Variants in FNBP4 observed in about 807,000 individuals in gnomAD.
FNBP4 encodes formin binding protein 4, also known as formin-binding protein 4.
Under a neutral mutation model 119.3 loss-of-function variants are expected in FNBP4, and 34 were observed. The ratio of observed to expected loss-of-function variants is 0.28; its 90% CI spans 0.22 to 0.38. The LOEUF (loss-of-function observed/expected upper bound fraction) is 0.38, where lower values mean the gene tolerates loss of function less well. Ranked by LOEUF, FNBP4 falls within the 10% of genes least tolerant of loss-of-function variation. The pLI, the probability that FNBP4 is intolerant of heterozygous loss-of-function variation, is 1.00. For synonymous variants in FNBP4, 462 were observed against 430.6 expected (o/e 1.07, Z -0.90); for missense variants, 1,112 against 1,228.9 (o/e 0.90, Z 1.42).
Position 47,754,518 on chromosome 11 carries a change from C to A in FNBP4, c.450+10G>T. 6.2e-7 allele frequency: 1 copy of A among 1,610,144 alleles called. No homozygotes were observed. Among genetic ancestry groups the A allele is most frequent in the Non-Finnish European group, 8.5e-7 (1 of 1,178,726 alleles). On this transcript the variant is annotated intron_variant, in intron 3 of 16. Coordinates refer to ENST00000263773, the MANE Select transcript of FNBP4 (RefSeq NM_015308.5). ...CAGTAACTAAAACTCCAAACGAAAG[C>A]ACCACTAACCGCTAGGAAGTTGGCC...
intron 13 of FNBP4, 108 bp downstream of exon 13, chr11:47,724,360 C>A: frequency 6.4e-7 from 1 of 1,572,300 alleles, no homozygotes. Context: ...AGGATATAGG[C>A]GTGAGCCACC....
In FNBP4 at chr11:47,717,392, T is replaced by C. The variant is rs1427813479; in HGVS notation, c.*30A>G. The C allele has an allele frequency of 4.1e-6, 6 of 1,458,252 alleles. No individual in the cohort carries two copies. The Admixed American group carries it at 1.0e-4, about 25-fold the overall frequency. The allele number at this position is 1,458,252 out of a possible 1,614,324, so 90.3% of individuals were successfully genotyped here. ...TTTGAACTGAACACAAAACAAACAA[T>C]AATACAAAAAAGTTTTAAAAACTTA... On this transcript the variant is annotated 3_prime_UTR_variant, in exon 17 of 17. Transcript: ENST00000263773.
At position 47,717,490 on chromosome 11, in the gene FNBP4, T is replaced by G. The variant is rs2097551129; in HGVS notation, c.2986A>C (p.Asn996His). Reference protein sequence around the residue: ...LVSGMAERNANFEALPEDWRA... With the variant: ...LVSGMAERNAHFEALPEDWRA... The stretch of plus-strand genomic sequence containing the variant: ...CAATCCTCAGGAAGGGCTTCAAAAT[T>G]AGCATTTCTCTCTGCCATGCCACTG... The change falls in exon 17 of 17, where the codon AAT becomes CAT. Residue 996 changes from asparagine (N) to histidine (H), a missense_variant. Physicochemically the swap from Asn to His is moderately conservative, Grantham distance 68 (BLOSUM62 1). Around this residue, in one of 2 missense-constraint regions of FNBP4, gnomAD observed 826 missense variants for 988.8 expected, o/e 0.84. Transcript: ENST00000263773. 6.2e-7 allele frequency: 1 copy of G among 1,613,004 alleles called. No homozygotes were observed. The highest frequency in any genetic ancestry group is 1.3e-5 in the African/African-American group (1 of 74,946).
intron 7 of FNBP4, 115 bp from the exon 8 acceptor site, chr11:47,744,278 CTTTT>C: frequency 2.6e-6 from 2 of 783,492 alleles, no homozygotes; most frequent in Non-Finnish European, 3.8e-6. Context: ...ACAGAAAGCA[CTTTT>C]TTTTTTTTGG....
chr11:47,767,086 T>G lies in FNBP4; in HGVS notation c.203A>C (p.Asp68Ala). 6.5e-7 allele frequency: 1 copy of G among 1,531,320 alleles called. No individual in the cohort carries two copies. The highest frequency in any genetic ancestry group is 8.7e-7 in the Non-Finnish European group (1 of 1,145,380). The allele number at this position is 1,531,320 out of a possible 1,614,324, so 94.9% of individuals were successfully genotyped here. A position where few individuals can be genotyped will look rare whatever the true frequency, so the allele number is the denominator to read the frequency against. ...TTAVTAAAAS[D>A]DSPSEDEQEA... ...ACCCTTGCCTTCTGAAGGCGAGTCGTCCGAGGCCGCGGCGGCAGTCACCGC... is the reference window on the plus strand; with the variant it reads ...ACCCTTGCCTTCTGAAGGCGAGTCGGCCGAGGCCGCGGCGGCAGTCACCGC... The change falls in exon 1 of 17, where the codon GAC (aspartate) becomes GCC (alanine). Residue 68 changes from aspartate to alanine, a missense_variant. Physicochemically the swap from Asp to Ala is moderately radical, Grantham distance 126 (BLOSUM62 -2). Coordinates refer to ENST00000263773, the MANE Select transcript of FNBP4 (RefSeq NM_015308.5).
chr11:47,727,011 G>A (rs1232995315), intron 12 of FNBP4: 1 of 152,206 alleles, frequency 6.6e-6, no homozygotes, highest in East Asian at 1.9e-4. Context: ...AAATATTGGT[G>A]GATGTCTCCT....
At position 47,724,098 on chromosome 11, in the gene FNBP4, A is replaced by C; in HGVS notation, c.2394T>G (p.Thr798=). The C allele has an allele frequency of 8.1e-6, 13 of 1,614,220 alleles. No homozygotes were observed. Among genetic ancestry groups the C allele is most frequent in the Non-Finnish European group, 1.1e-5 (13 of 1,180,004 alleles). The change falls in exon 14 of 17, where the codon ACT becomes ACG. Residue 798 remains threonine, a synonymous_variant. Transcript: ENST00000263773. ...GIKRKATEIS[T]AVVQRSATIG... is the part of the protein sequence containing the mutation. ...TGGTAGCTGACCTCTGAACCACTGC[A>C]GTGCTAATTTCTGTAGCTTTCCTCT...
In FNBP4 at chr11:47,743,589, G is replaced by A. The variant is rs12284831; in HGVS notation, c.1456+364C>T. Among the ~76,000 whole-genome samples, 355 of 152,248 alleles carry A rather than the reference G, an allele frequency of 2.3e-3. 5 individuals are homozygous for A. The highest frequency in any genetic ancestry group is 8.1e-3 in the African/African-American group (337 of 41,550). Reference sequence around the variant, plus strand: ...TTAAAAAATGCAGCAGGAGCTCTTCGACCTTACCATGAATGAATGATAAGG... The same window carrying A: ...TTAAAAAATGCAGCAGGAGCTCTTCAACCTTACCATGAATGAATGATAAGG... On this transcript the variant is annotated intron_variant, in intron 8 of 16. Coordinates refer to ENST00000263773, the MANE Select transcript of FNBP4 (RefSeq NM_015308.5).
intron 16 of FNBP4, among the ~76,000 whole-genome samples, chr11:47,717,933 TA>T (rs201408661): frequency 0.13 from 18,455 of 147,474 alleles, 1,617 homozygotes; most frequent in East Asian, 0.3. Context: ...TTTTTTTTTT[TA>T]AGTAGCGACA....
chr11:47,729,999 T>C (rs1428786415), intron 12 of FNBP4: 12 of 985,444 alleles, frequency 1.2e-5, no homozygotes, highest in African/African-American at 1.7e-5. Context: ...AGCCTCCTTT[T>C]ACCAGACAGT....
At chr11:47,766,463 G>T (rs1420342824) in intron 1 of FNBP4, among the ~76,000 whole-genome samples, 1 of 152,162 alleles carries the variant, frequency 6.6e-6, no homozygotes, top group Admixed American at 6.5e-5. Flanking sequence ...TAACGAACCA[G>T]CGTGATCTCT....
At chr11:47,754,798 C>T in intron 2 of FNBP4, 134 bp from the exon 3 acceptor site, 1 of 880,714 alleles carries the variant, frequency 1.1e-6, no homozygotes, top group Non-Finnish European at 1.7e-6. Flanking sequence ...CTAATAATCA[C>T]TGAACTACCA....
At chr11:47,748,844 A>T (rs1311194204) in intron 6 of FNBP4, among the ~76,000 whole-genome samples, 2 of 151,884 alleles carry the variant, frequency 1.3e-5, no homozygotes, top group African/African-American at 4.8e-5. Flanking sequence ...ACGGGGTTTT[A>T]CCATGTTGGC....
At chr11:47,758,816 G>A (rs966409340) in intron 2 of FNBP4, among the ~76,000 whole-genome samples, 6 of 151,666 alleles carry the variant, frequency 4.0e-5, no homozygotes, top group African/African-American at 7.3e-5. Context: ...CTGAGATCAC[G>A]TCACTGTATT....
rs549526397 is a variant in FNBP4, at chr11:47,753,198, G to C, written c.451-96C>G. The C allele has an allele frequency of 2.3e-4, 219 of 954,198 alleles. 6 individuals carry two copies. In the South Asian group the frequency reaches 3.8e-3, roughly 16 times the overall value. The allele number at this position is 954,198 out of a possible 1,614,324, so 59.1% of individuals were successfully genotyped here. A position where few individuals can be genotyped will look rare whatever the true frequency, so the allele number is the denominator to read the frequency against. ...CTTTTTAAAAATTCTACATGAGCCG[G>C]GCACAGTGGCTCACACCTACAGTTC... On this transcript the variant is annotated intron_variant, in intron 3 of 16. Transcript: ENST00000263773.
intron 10 of FNBP4, among the ~76,000 whole-genome samples, chr11:47,733,738 T>G (rs754192054): frequency 6.6e-6 from 1 of 152,098 alleles, no homozygotes; most frequent in Non-Finnish European, 1.5e-5. Context: ...AGGACTCAAC[T>G]TTTCTCTTTA....
At chr11:47,730,552 G>C (rs2097566211) in intron 12 of FNBP4, among the ~76,000 whole-genome samples, 1 of 152,088 alleles carries the variant, frequency 6.6e-6, no homozygotes, top group African/African-American at 2.4e-5. Flanking sequence ...AAAGAATTCA[G>C]CTCTTAACTC....
chr11:47,764,678 TAC>T (rs1290622385), intron 2 of FNBP4, among the ~76,000 whole-genome samples: 2 of 152,198 alleles, frequency 1.3e-5, no homozygotes, highest in Non-Finnish European at 2.9e-5. Flanking sequence ...TCTTCCAAGA[TAC>T]ACAGAGTAGA....
At chr11:47,745,756 C>A (rs2097589078) in intron 7 of FNBP4, among the ~76,000 whole-genome samples, 2 of 152,236 alleles carry the variant, frequency 1.3e-5, no homozygotes, top group South Asian at 4.1e-4. Context: ...GGCGGCCCAG[C>A]TGTAAAATTC....
Sources: allele counts gnomAD v4.1 joint callset (sites outside exome capture counted in the v4.1 genomes callset), GRCh38; gene constraint gnomAD v4.1.1; regional missense constraint gnomAD v4.1.1; transcripts MANE v1.5; gene names NCBI Gene and HGNC (gene_info 2026-07-23, HGNC 2026-07-21).